ANKRD11: variants seen among roughly 807,000 people sequenced by gnomAD.
ANKRD11 encodes ankyrin repeat domain 11.
In ANKRD11, 17 loss-of-function variants were observed where a neutral mutation model predicts 195.7. That is an observed-to-expected ratio of 0.09 (90% CI 0.06 to 0.13). The LOEUF (loss-of-function observed/expected upper bound fraction) is 0.13, where lower values mean the gene tolerates loss of function less well. Ranked by LOEUF, ANKRD11 falls within the 10% of genes least tolerant of loss-of-function variation. The probability of loss-of-function intolerance (pLI) is 1.00; values close to 1 mark genes in which losing one functional copy is unlikely to be tolerated. For missense variants in ANKRD11, 3,735 were observed against 3,566.1 expected, an observed-to-expected ratio of 1.05 and a Z score of -1.21; for synonymous variants, 1,953 against 1,528.1, an observed-to-expected ratio of 1.28 and a Z score of -6.49.
rs869271846 is a variant in ANKRD11 at position 89,384,879 on chromosome 16, CTTTTTTTTTTTTT to C, written c.-60+33392_-60+33404del. Among the ~76,000 whole-genome samples the C allele has an allele frequency of 3.0e-3, 150 of 49,948 alleles. 3 individuals carry two copies. In the East Asian group the frequency reaches 0.032, roughly 11 times the overall value. 32.8% of individuals were successfully genotyped at this position (49,948 alleles called of 152,430 possible). On this transcript the variant is annotated intron_variant, in intron 2 of 12. Coordinates refer to ENST00000301030, the MANE Select transcript of ANKRD11 (RefSeq NM_013275.6). ...GGAGCACACAATGAGAAATAGTTTTCTTTTTTTTTTTTTTTTTTTTTTTTTTTTGAGACTACGT... is the reference window on the plus strand; with the variant it reads ...GGAGCACACAATGAGAAATAGTTTTCTTTTTTTTTTTTTTTGAGACTACGT...
intron 2 of ANKRD11, among the ~76,000 whole-genome samples, chr16:89,356,607 TA>T (rs2039484574): frequency 8.1e-6 from 1 of 123,580 alleles, no homozygotes; most frequent in Admixed American, 8.3e-5. Flanking sequence ...CCATCTCTAC[TA>T]AAAATACAAA....
At chr16:89,452,547 C>CGGGTGGATCACCTGAGGT (rs2044125567) in intron 1 of ANKRD11, among the ~76,000 whole-genome samples, 1 of 151,904 alleles carries the variant, frequency 6.6e-6, no homozygotes, top group African/African-American at 2.4e-5. Flanking sequence ...GAGGCTGAGG[C>CGGGTGGATCACCTGAGGT]GGGTGGATCA....
Position 89,281,909 on chromosome 16 carries a change from G to C in ANKRD11, c.4633C>G (p.Pro1545Ala). 6.2e-7 allele frequency: 1 copy of C among 1,613,370 alleles called. No homozygotes were observed. Among genetic ancestry groups the C allele is most frequent in the African/African-American group, 1.3e-5 (1 of 75,002 alleles). Residue 1545 changes from proline to alanine, a missense_variant, in exon 9 of 13, where the codon CCA becomes GCA. Transcript: ENST00000301030. This position sits in a 1 kb window ranked among gnomAD's most constrained non-coding sequence, Gnocchi z 5.5. ...TCATTCCCGTTGCTCATCTTCACTG[G>C]GTCGCCCTTTTCTTTCTCTGCACCG... Reference protein sequence around the residue: ...KDGAEKEKGDPVKMSNGNDKV... With the variant: ...KDGAEKEKGDAVKMSNGNDKV...
chr16:89,381,100 A>T (rs1229342777), intron 2 of ANKRD11, among the ~76,000 whole-genome samples: 1 of 152,180 alleles, frequency 6.6e-6, no homozygotes, highest in African/African-American at 2.4e-5. Flanking sequence ...AGGCAGGTGG[A>T]TCATTTGAGA....
chr16:89,315,185 T>C (rs2036873802), intron 3 of ANKRD11, among the ~76,000 whole-genome samples: 1 of 152,168 alleles, frequency 6.6e-6, no homozygotes, highest in East Asian at 1.9e-4. Flanking sequence ...AAGCCGAAGC[T>C]TGGTGGCAGT....
At chr16:89,450,448 G>C (rs556299549) in intron 1 of ANKRD11, among the ~76,000 whole-genome samples, 5 of 152,112 alleles carry the variant, frequency 3.3e-5, no homozygotes, top group African/African-American at 1.2e-4. Context: ...GCCTCCCTCC[G>C]ACGGTGTACA....
rs999146488 is a variant in ANKRD11 at position 89,316,858 on chromosome 16, C to T, written c.87+75G>A. 5.9e-6 allele frequency: 9 copies of T among 1,533,950 alleles called. No individual in the cohort carries two copies. In the South Asian group the frequency reaches 7.0e-5, roughly 12 times the overall value. On this transcript the variant is annotated intron_variant, in intron 3 of 12. Coordinates refer to ENST00000301030, the MANE Select transcript of ANKRD11 (RefSeq NM_013275.6). ...CGGAGGGCGGAGAACAGGCCACAGG[C>T]GGGCAGCACCCCATTCCCACCTCAT...
intron 2 of ANKRD11, among the ~76,000 whole-genome samples, chr16:89,334,787 G>A (rs909618890): frequency 3.9e-5 from 6 of 152,134 alleles, no homozygotes; most frequent in African/African-American, 1.4e-4. Flanking sequence ...CCACCCACGT[G>A]TCCACCAGCA....
intron 1 of ANKRD11, among the ~76,000 whole-genome samples, chr16:89,451,828 AAAAAG>A (rs1235036599): frequency 6.6e-6 from 1 of 152,210 alleles, no homozygotes; most frequent in East Asian, 1.9e-4. Context: ...TTAAAAACTG[AAAAAG>A]AAAAGTCAAC....
chr16:89,335,012 T>A (rs1451810721), intron 2 of ANKRD11, among the ~76,000 whole-genome samples: 1 of 152,084 alleles, frequency 6.6e-6, no homozygotes, highest in African/African-American at 2.4e-5. Context: ...ATGAGCTCTA[T>A]CGTATGTGCA....
At chr16:89,448,341 A>C (rs1480160890) in intron 1 of ANKRD11, among the ~76,000 whole-genome samples, 1 of 152,158 alleles carries the variant, frequency 6.6e-6, no homozygotes, top group Admixed American at 6.5e-5. Context: ...CAATGGTGAA[A>C]CCTTTTCTCA....
intron 1 of ANKRD11, among the ~76,000 whole-genome samples, chr16:89,445,712 C>T (rs561760845): frequency 3.3e-5 from 5 of 152,280 alleles, no homozygotes; most frequent in East Asian, 1.9e-4. Flanking sequence ...CTGTGGCTCA[C>T]GCCTATAGTC....
intron 3 of ANKRD11, among the ~76,000 whole-genome samples, chr16:89,311,751 G>T (rs932284577): frequency 2.2e-4 from 33 of 152,192 alleles, no homozygotes; most frequent in Admixed American, 3.3e-4. Flanking sequence ...GGGCAAGAGT[G>T]AAGACATGGA....
chr16:89,277,110 C>G (rs959988532), intron 9 of ANKRD11, among the ~76,000 whole-genome samples: 4 of 151,960 alleles, frequency 2.6e-5, no homozygotes, highest in African/African-American at 9.7e-5. Context: ...AGTCCACAGA[C>G]CTCACTCTGT....
intron 1 of ANKRD11, among the ~76,000 whole-genome samples, chr16:89,446,542 G>A (rs2043800781): frequency 6.6e-6 from 1 of 151,960 alleles, no homozygotes; most frequent in South Asian, 2.1e-4. Flanking sequence ...AGGCAGAGGT[G>A]GCAGTGAGCT....
chr16:89,316,079 G>C (rs1323791972), intron 3 of ANKRD11, among the ~76,000 whole-genome samples: 1 of 152,040 alleles, frequency 6.6e-6, no homozygotes, highest in Non-Finnish European at 1.5e-5. Flanking sequence ...AAGTTAGGAG[G>C]AGCAAGGAGG....
intron 2 of ANKRD11, among the ~76,000 whole-genome samples, chr16:89,393,956 C>T (rs368047183): frequency 6.6e-6 from 1 of 152,174 alleles, no homozygotes; most frequent in African/African-American, 2.4e-5. Context: ...GTGAGGGCTA[C>T]GAATAAGTGA....
intron 2 of ANKRD11, among the ~76,000 whole-genome samples, chr16:89,317,549 C>G (rs2037040664): frequency 1.3e-5 from 2 of 152,186 alleles, no homozygotes; most frequent in Non-Finnish European, 1.5e-5. Context: ...CACTCACCAC[C>G]TGGGAAGGAG....
At chr16:89,409,317 C>T (rs2042029006) in intron 2 of ANKRD11, among the ~76,000 whole-genome samples, 2 of 152,224 alleles carry the variant, frequency 1.3e-5, no homozygotes, top group African/African-American at 4.8e-5. Context: ...GGTTCTAGCA[C>T]TCCTAGCCAC....
Sources: allele counts gnomAD v4.1 joint callset (sites outside exome capture counted in the v4.1 genomes callset), GRCh38; gene constraint gnomAD v4.1.1; non-coding constraint Gnocchi (gnomAD v3.1); transcripts MANE v1.5; gene names NCBI Gene and HGNC (gene_info 2026-07-23, HGNC 2026-07-21).